The following RORA variants were observed in gnomAD, a reference collection of about 807,000 sequenced individuals.
RORA encodes nuclear receptor ROR-alpha.
RORA carries 7 observed loss-of-function variants against 69.5 expected under a neutral mutation model. That is an observed-to-expected ratio of 0.10 (90% confidence interval 0.06 to 0.19). The LOEUF (loss-of-function observed/expected upper bound fraction) is 0.19. Among genes scored for constraint, RORA ranks in the 10% least tolerant of loss-of-function variants. The pLI is 1.00. For missense variants in RORA, 457 were observed against 663.0 expected (o/e 0.69, Z 3.41); for synonymous variants, 261 against 240.8 (o/e 1.08, Z -0.78).
chr15:61,112,925 T>C (rs981074313), intron 1 of RORA, among the ~76,000 whole-genome samples: 4 of 152,234 alleles, frequency 2.6e-5, no homozygotes, highest in Admixed American at 2.0e-4. Context: ...GGCTTGTCAA[T>C]GTCCTCTTTA....
In RORA at chr15:60,529,381, A is replaced by G. The variant is rs890658863; in HGVS notation, c.282+2385T>C. The G allele has an allele frequency of 2.6e-5, 4 of 152,236 alleles. No individual in the cohort carries two copies. In the East Asian group the frequency reaches 7.7e-4, roughly 29 times the overall value. 9.4% of individuals were successfully genotyped at this position (152,236 alleles called of 1,614,324 possible). ...TTTGACTTCTATTTTTATAACTAGG[A>G]ATAAAAGTGTTAGTTATAGCAGAGA... On this transcript the variant is annotated intron_variant, in intron 3 of 10. Transcript: ENST00000335670.
intron 1 of RORA, among the ~76,000 whole-genome samples, chr15:61,115,228 C>G (rs1195469436): frequency 6.6e-6 from 1 of 152,010 alleles, no homozygotes; most frequent in African/African-American, 2.4e-5. Flanking sequence ...TTTAATTTGG[C>G]TGCCTTTACT....
chr15:61,183,533 C>A (rs928857302), intron 1 of RORA, among the ~76,000 whole-genome samples: 734 of 130,266 alleles, frequency 5.6e-3, no homozygotes, highest in Middle Eastern at 7.7e-3. Flanking sequence ...GAGACTGTTT[C>A]AAAAAAAAAA....
chr15:60,994,502 A>C (rs1374624457), intron 1 of RORA, among the ~76,000 whole-genome samples: 1 of 152,202 alleles, frequency 6.6e-6, no homozygotes, highest in African/African-American at 2.4e-5. Flanking sequence ...CCCAGGAAAA[A>C]GGGGTCTAGG....
At chr15:60,574,219 CTG>C (rs537209671) in intron 2 of RORA, among the ~76,000 whole-genome samples, 133 of 152,300 alleles carry the variant, frequency 8.7e-4, no homozygotes, top group African/African-American at 3.1e-3. Context: ...CTCTGCGTCT[CTG>C]AGTCTCCGCT....
intron 6 of RORA, 39 bp downstream of exon 6, chr15:60,505,469 T>C: frequency 6.2e-7 from 1 of 1,608,732 alleles, no homozygotes; most frequent in South Asian, 1.1e-5. Flanking sequence ...CTTCCCAATA[T>C]TGCCTCAATC....
intron 1 of RORA, among the ~76,000 whole-genome samples, chr15:60,915,311 T>C (rs1412301825): frequency 3.3e-5 from 5 of 152,304 alleles, no homozygotes; most frequent in African/African-American, 9.6e-5. Context: ...TCTGACTGAA[T>C]CCTGGCCACT....
intron 4 of RORA, among the ~76,000 whole-genome samples, chr15:60,513,218 C>G (rs1231028381): frequency 1.3e-5 from 2 of 152,242 alleles, no homozygotes. Context: ...TGGGGCTGCT[C>G]AGGCAGCAAC....
intron 1 of RORA, among the ~76,000 whole-genome samples, chr15:60,995,546 G>C (rs780273980): frequency 1.3e-5 from 2 of 151,956 alleles, no homozygotes; most frequent in African/African-American, 4.8e-5. Context: ...GCTTCCTCCC[G>C]CTCACTTAGT....
intron 1 of RORA, among the ~76,000 whole-genome samples, chr15:60,788,315 T>A (rs773198263): frequency 1.3e-4 from 20 of 152,078 alleles, no homozygotes; most frequent in Non-Finnish European, 2.2e-4. Flanking sequence ...GGGAGACAGA[T>A]GATTGCAATA....
intron 1 of RORA, among the ~76,000 whole-genome samples, chr15:61,211,412 T>A (rs1227886158): frequency 6.6e-6 from 1 of 151,940 alleles, no homozygotes; most frequent in Admixed American, 6.6e-5. Context: ...AGCTTTCAGG[T>A]TTTAGAAGAC....
intron 1 of RORA, among the ~76,000 whole-genome samples, chr15:60,827,107 G>A (rs1052991085): frequency 2.0e-5 from 3 of 152,150 alleles, no homozygotes; most frequent in South Asian, 4.1e-4. Context: ...TGACTTCAGA[G>A]TGCCCCAAGC....
chr15:61,188,202 G>A (rs1036013602), intron 1 of RORA, among the ~76,000 whole-genome samples: 1 of 152,126 alleles, frequency 6.6e-6, no homozygotes, highest in African/African-American at 2.4e-5. Context: ...GTGGGGATAG[G>A]GAAACTCTGC....
chr15:60,561,444 T>A (rs2067557836), intron 2 of RORA, among the ~76,000 whole-genome samples: 1 of 151,964 alleles, frequency 6.6e-6, no homozygotes, highest in Admixed American at 6.6e-5. Context: ...ATAATTATAA[T>A]TGTGATGACA....
At chr15:60,805,207 G>A (rs544171418) in intron 1 of RORA, among the ~76,000 whole-genome samples, 29 of 152,282 alleles carry the variant, frequency 1.9e-4, no homozygotes, top group African/African-American at 7.0e-4. Context: ...TGACACGCAA[G>A]GGAACACCTG....
chr15:60,790,609 C>T (rs1048978489), intron 1 of RORA, among the ~76,000 whole-genome samples: 13 of 152,196 alleles, frequency 8.5e-5, no homozygotes, highest in African/African-American at 1.9e-4. Context: ...GAACATTCCT[C>T]GTCTTTGTGT....
rs340024 is a variant in RORA at position 60,615,986 on chromosome 15, G to A, written c.196+62671C>T. On this transcript the variant is annotated intron_variant, in intron 2 of 10. Coordinates refer to ENST00000335670, the MANE Select transcript of RORA (RefSeq NM_134261.3). ...TCTCATTTGGGGGGTGCTGAATTTA[G>A]TTCCTCTAAAAAGTGCCATTGCTCC... Among the ~76,000 whole-genome samples, 359 of 152,254 alleles carry A rather than the reference G, an allele frequency of 2.4e-3. 1 individual carries two copies. Among genetic ancestry groups the A allele is most frequent in the African/African-American group, 8.3e-3 (345 of 41,544 alleles).
At chr15:60,631,361 T>C (rs1157103580) in intron 2 of RORA, among the ~76,000 whole-genome samples, 1 of 152,108 alleles carries the variant, frequency 6.6e-6, no homozygotes, top group Non-Finnish European at 1.5e-5. Context: ...CTTGAGGTGG[T>C]CAAGGAAAAG....
chr15:60,988,087 T>C (rs1358322069), intron 1 of RORA, among the ~76,000 whole-genome samples: 1 of 152,164 alleles, frequency 6.6e-6, no homozygotes, highest in Non-Finnish European at 1.5e-5. Flanking sequence ...GTGTTGAGAA[T>C]CCATCAATAC....
Sources: allele counts gnomAD v4.1 joint callset (sites outside exome capture counted in the v4.1 genomes callset), GRCh38; gene constraint gnomAD v4.1.1; transcripts MANE v1.5; gene names NCBI Gene and HGNC (gene_info 2026-07-23, HGNC 2026-07-21).